The following TRIM8 variants were observed in gnomAD, a reference collection of about 807,000 sequenced individuals.
TRIM8 encodes the protein E3 ubiquitin-protein ligase TRIM8.
In TRIM8, 9 loss-of-function variants were observed where a neutral mutation model predicts 55.7. The observed-to-expected ratio is 0.16, with a 90% CI of 0.10 to 0.28. TRIM8 has a LOEUF of 0.28. TRIM8 is among the 10% of genes least tolerant of loss of function. The pLI, the probability that TRIM8 is intolerant of heterozygous loss-of-function variation, is 1.00. For missense variants in TRIM8, 556 were observed against 736.4 expected (o/e 0.76, Z 2.83); for synonymous variants, 335 against 333.3 (o/e 1.01, Z -0.06).
chr10:102,646,164 TC>T (rs1196037651), intron 1 of TRIM8, among the ~76,000 whole-genome samples: 2 of 152,134 alleles, frequency 1.3e-5, no homozygotes, highest in Non-Finnish European at 2.9e-5. Context: ...AGGCAATACT[TC>T]CGTCCCCTTC....
rs1296515573 is a variant in TRIM8, at chr10:102,657,279, C to T, written c.1581C>T (p.Ala527=). ...TGGCGGTCAGAGACTGGCTTGACGC[C>T]TCCCAGCAGCCCGGCCACCAGGATT... is the stretch of plus-strand genomic sequence containing the variant. ...PSLAVRDWLD[A]SQQPGHQDFY... is the part of the protein sequence containing the mutation. Residue 527 remains alanine, a synonymous_variant, in exon 6 of 6, where the codon GCC becomes GCT. Coordinates refer to ENST00000643721, the MANE Select transcript of TRIM8 (RefSeq NM_030912.3). 1 of 1,613,740 alleles carries T rather than the reference C, an allele frequency of 6.2e-7. No homozygotes were observed. The highest frequency in any genetic ancestry group is 2.2e-5 in the East Asian group (1 of 44,878).
intron 1 of TRIM8, among the ~76,000 whole-genome samples, chr10:102,648,047 G>A (rs556103185): frequency 1.3e-5 from 2 of 152,188 alleles, no homozygotes; most frequent in Non-Finnish European, 2.9e-5. Flanking sequence ...CCACATTGCC[G>A]AGGCCTGGAT....
intron 1 of TRIM8, among the ~76,000 whole-genome samples, chr10:102,651,967 G>A (rs1470056980): frequency 2.0e-5 from 3 of 152,212 alleles, no homozygotes; most frequent in South Asian, 2.1e-4. Context: ...ATGTGCGTGC[G>A]CAGCTTTGTG....
At chr10:102,645,993 G>A (rs1029189802) in intron 1 of TRIM8, among the ~76,000 whole-genome samples, 3 of 152,208 alleles carry the variant, frequency 2.0e-5, no homozygotes, top group African/African-American at 4.8e-5. Flanking sequence ...GTTTAAGGTT[G>A]AGCCGCCTTG....
intron 1 of TRIM8, chr10:102,645,571 A>T: frequency 5.5e-6 from 1 of 182,870 alleles, no homozygotes. Flanking sequence ...GCTGCTGTTT[A>T]TGTAATGAGT....
intron 1 of TRIM8, among the ~76,000 whole-genome samples, chr10:102,649,493 C>T (rs1322595297): frequency 6.6e-6 from 1 of 152,234 alleles, no homozygotes. Context: ...CCGGGCCGAG[C>T]AGGCTGGCCT....
intron 1 of TRIM8, among the ~76,000 whole-genome samples, chr10:102,652,126 C>T (rs1050138965): frequency 1.3e-5 from 2 of 152,142 alleles, no homozygotes; most frequent in African/African-American, 4.8e-5. Flanking sequence ...TGTCCTGGGT[C>T]ACTGAAAGGT....
Position 102,657,680 on chromosome 10 carries a change from C to T in TRIM8, c.*326C>T, listed in dbSNP as rs960641992. ...TTTCCTCTACTCCTTCCCCTTCACA[C>T]CCCCGTGGCTGGAAGGAACCTCGGC... On this transcript the variant is annotated 3_prime_UTR_variant, in exon 6 of 6. Transcript: ENST00000643721. 9.4e-6 allele frequency: 2 copies of T among 212,216 alleles called. No individual in the cohort carries two copies. The highest frequency in any genetic ancestry group is 1.9e-5 in the Non-Finnish European group (2 of 107,308). 13.1% of individuals were successfully genotyped at this position (212,216 alleles called of 1,614,324 possible). A position where few individuals can be genotyped will look rare whatever the true frequency, so the allele number is the denominator to read the frequency against.
At position 102,656,300 on chromosome 10, in the gene TRIM8, C is replaced by T. The variant is rs2064024341; in HGVS notation, c.963C>T (p.Ser321=). 1 of 1,614,194 alleles carries T rather than the reference C, an allele frequency of 6.2e-7. No individual in the cohort carries two copies. Among genetic ancestry groups the T allele is most frequent in the Non-Finnish European group, 8.5e-7 (1 of 1,180,024 alleles). ...RTQTCTSSSL[S]PTKIGHLNSK... ...AGACCTGCACGAGCAGCAGCCTTTC[C>T]CCCACTAAGATCGGCCACCTGAACT... is the stretch of plus-strand genomic sequence containing the variant. The change falls in exon 5 of 6, where the codon TCC becomes TCT. Residue 321 remains serine, a synonymous_variant. Transcript: ENST00000643721. This position sits in a 1 kb window ranked among gnomAD's most constrained non-coding sequence, Gnocchi z 4.6.
chr10:102,652,686 G>A (rs1292630749), intron 1 of TRIM8, among the ~76,000 whole-genome samples: 1 of 152,114 alleles, frequency 6.6e-6, no homozygotes, highest in Non-Finnish European at 1.5e-5. Flanking sequence ...CCAGAATAGT[G>A]CTGTCTAATA....
intron 2 of TRIM8, 156 bp from the exon 3 acceptor site, chr10:102,654,924 G>T: frequency 2.1e-6 from 2 of 954,322 alleles, no homozygotes; most frequent in Non-Finnish European, 3.3e-6. Context: ...AGAGCCCTGT[G>T]CTACCAGTGG....
chr10:102,656,069 CT>C lies in TRIM8; in HGVS notation c.901-33del. ...TCTCCCCGGGCTCTCCCTGGACTGC[CT>C]TTTCCACTGACTTGACTCTTTTCTC... On this transcript the variant is annotated intron_variant, in intron 3 of 5. Transcript: ENST00000643721. This position sits in a 1 kb window ranked among gnomAD's most constrained non-coding sequence, Gnocchi z 4.6. The C allele has an allele frequency of 6.2e-7, 1 of 1,613,720 alleles. No homozygotes were observed.
chr10:102,646,106 A>G lies in TRIM8; in HGVS notation c.570+919A>G, dbSNP rs537158277. 2.0e-5 allele frequency among the ~76,000 whole-genome samples: 3 copies of G among 152,172 alleles called. No homozygotes were observed. In the East Asian group the frequency reaches 5.8e-4, roughly 29 times the overall value. ...CACCCTGCGGCCGCGGCCAATGTCA[A>G]ACCGCCTCCCCCCTCAGGCCTCTGG... On this transcript the variant is annotated intron_variant, in intron 1 of 5. Coordinates refer to ENST00000643721, the MANE Select transcript of TRIM8 (RefSeq NM_030912.3).
In TRIM8 at chr10:102,657,129, C is replaced by G. The variant is rs374290615; in HGVS notation, c.1431C>G (p.Ser477=). Residue 477 remains serine, a synonymous_variant, in exon 6 of 6, where the codon TCC becomes TCG. Coordinates refer to ENST00000643721, the MANE Select transcript of TRIM8 (RefSeq NM_030912.3). ...CTGTGGACAACTGTTACTGTTCTTC[C>G]GTGGCCAACCATGGCGGCCACCAGC... is the stretch of plus-strand genomic sequence containing the variant. The part of the protein sequence containing the change: ...VCSVDNCYCS[S]VANHGGHQPY... 4.3e-6 allele frequency: 7 copies of G among 1,613,830 alleles called. No homozygotes were observed. The highest frequency in any genetic ancestry group is 1.3e-5 in the African/African-American group (1 of 74,930).
At position 102,656,863 on chromosome 10, in the gene TRIM8, C is replaced by A. The variant is rs1316369179; in HGVS notation, c.1165C>A (p.Leu389Ile). The change falls in exon 6 of 6, where the codon CTA (leucine) becomes ATA (isoleucine). Residue 389 changes from leucine (L) to isoleucine (I), a missense_variant. Coordinates refer to ENST00000643721, the MANE Select transcript of TRIM8 (RefSeq NM_030912.3). The surrounding 1 kb of genome is among the most constrained non-coding windows in gnomAD (Gnocchi z 4.6). ...AACGGCCTTCCCAGAGGCCAGTTTC[C>A]TAGAGACGTCGTCGGGCCCTGTGGG... Reference protein sequence around the residue: ...HSTAFPEASFLETSSGPVGGQ... With the variant: ...HSTAFPEASFIETSSGPVGGQ... 1.1e-5 allele frequency: 17 copies of A among 1,564,240 alleles called. No individual in the cohort carries two copies. The highest frequency in any genetic ancestry group is 1.3e-5 in the Non-Finnish European group (15 of 1,156,980).
At position 102,656,581 on chromosome 10, in the gene TRIM8, G is replaced by A; in HGVS notation, c.1049-166G>A. On this transcript the variant is annotated intron_variant, in intron 5 of 5. Coordinates refer to ENST00000643721, the MANE Select transcript of TRIM8 (RefSeq NM_030912.3). The surrounding 1 kb of genome is among the most constrained non-coding windows in gnomAD (Gnocchi z 4.6). ...CCTCCATTTCTTCAGCTTAAAGTGG[G>A]GATATAACTATTCTGTACCTCCTAA... is the stretch of plus-strand genomic sequence containing the variant. The A allele has an allele frequency of 7.6e-7, 1 of 1,309,154 alleles. No homozygotes were observed. The highest frequency in any genetic ancestry group is 1.0e-6 in the Non-Finnish European group (1 of 966,818). 81.1% of individuals were successfully genotyped at this position (1,309,154 alleles called of 1,614,324 possible). A position where few individuals can be genotyped will look rare whatever the true frequency, so the allele number is the denominator to read the frequency against.
chr10:102,657,021 C>A lies in TRIM8; in HGVS notation c.1323C>A (p.Phe441Leu). 5 of 1,612,644 alleles carry A rather than the reference C, an allele frequency of 3.1e-6. No individual in the cohort carries two copies. Among genetic ancestry groups the A allele is most frequent in the Non-Finnish European group, 4.2e-6 (5 of 1,179,912 alleles). ...GAQPVHSSPVFPPSQYPNGSA... is the reference protein window; with the variant it reads ...GAQPVHSSPVLPPSQYPNGSA... ...AACCAGTGCACTCAAGCCCCGTGTT[C>A]CCCCCATCGCAGTATCCCAATGGCT... Residue 441 changes from phenylalanine to leucine, a missense_variant, in exon 6 of 6, where the codon TTC (phenylalanine) becomes TTA (leucine). Transcript: ENST00000643721.
In TRIM8 at chr10:102,658,156, C is replaced by T. The variant is rs966763991; in HGVS notation, c.*802C>T. On this transcript the variant is annotated 3_prime_UTR_variant, in exon 6 of 6. Coordinates refer to ENST00000643721, the MANE Select transcript of TRIM8 (RefSeq NM_030912.3). ...AGGTCAGCAGGGAGGAGGGGCTGCCCGGAGTTGGGTCCTTGCCTGGATTTT... is the reference window on the plus strand; with the variant it reads ...AGGTCAGCAGGGAGGAGGGGCTGCCTGGAGTTGGGTCCTTGCCTGGATTTT... The T allele has an allele frequency of 6.6e-6, 1 of 152,142 alleles. No individual in the cohort carries two copies. Among genetic ancestry groups the T allele is most frequent in the Non-Finnish European group, 1.5e-5 (1 of 68,042 alleles). 9.4% of individuals were successfully genotyped at this position (152,142 alleles called of 1,614,324 possible).
chr10:102,646,714 T>A (rs1294036455), intron 1 of TRIM8, among the ~76,000 whole-genome samples: 2 of 152,126 alleles, frequency 1.3e-5, no homozygotes, highest in Non-Finnish European at 1.5e-5. Flanking sequence ...TCCCCAGTAT[T>A]GGGAAGCTGC....
Sources: allele counts gnomAD v4.1 joint callset (sites outside exome capture counted in the v4.1 genomes callset), GRCh38; gene constraint gnomAD v4.1.1; non-coding constraint Gnocchi (gnomAD v3.1); transcripts MANE v1.5; gene names NCBI Gene and HGNC (gene_info 2026-07-23, HGNC 2026-07-21).